STRN: variants seen among roughly 807,000 people sequenced by gnomAD.
STRN encodes the protein striatin, also known as protein phosphatase 2 regulatory subunit B'''alpha.
A neutral mutation model predicts 96.3 loss-of-function variants in STRN; 53 were observed. That is an observed-to-expected ratio of 0.55 (90% CI 0.44 to 0.69). The LOEUF is 0.69. Ranked by LOEUF, STRN falls within the 30% of genes least tolerant of loss-of-function variation. STRN has a pLI of 0.00. For synonymous variants in STRN, 428 were observed against 355.9 expected (o/e 1.20, Z -2.28); for missense variants, 987 against 963.9 (o/e 1.02, Z -0.32).
intron 1 of STRN, among the ~76,000 whole-genome samples, chr2:36,953,110 C>T (rs1664800979): frequency 6.6e-6 from 1 of 152,176 alleles, no homozygotes; most frequent in East Asian, 1.9e-4. Flanking sequence ...CCTGTGTGTT[C>T]AGTAATGAAA....
intron 12 of STRN, chr2:36,867,278 A>G (rs1377680527): frequency 6.6e-6 from 1 of 152,238 alleles, no homozygotes; most frequent in Non-Finnish European, 1.5e-5. Context: ...GTTCAAGCCC[A>G]GGAGTTCAAG....
chr2:36,876,488 T>C (rs987232857), intron 10 of STRN, among the ~76,000 whole-genome samples: 1 of 152,070 alleles, frequency 6.6e-6, no homozygotes, highest in Non-Finnish European at 1.5e-5. Context: ...TTGGGAGTTT[T>C]TTTATCTGTA....
At chr2:36,904,995 G>C (rs1226492939) in intron 4 of STRN, among the ~76,000 whole-genome samples, 1 of 141,212 alleles carries the variant, frequency 7.1e-6, no homozygotes, top group Non-Finnish European at 1.5e-5. Flanking sequence ...TTGAGATGAA[G>C]TTTCGCTCTT....
rs183531335 is a variant in STRN at position 36,849,582 on chromosome 2, C to T, written c.2217G>A (p.Thr739=). The T allele has an allele frequency of 8.7e-6, 14 of 1,614,016 alleles. No homozygotes were observed. Among genetic ancestry groups the T allele is most frequent in the South Asian group, 1.1e-5 (1 of 91,072 alleles). Reference sequence around the variant, plus strand: ...GATGAGCTGTGAATTCTTGGATACACGTCTTACTTTCTAGATTCCATAAAC... The same window carrying T: ...GATGAGCTGTGAATTCTTGGATACATGTCTTACTTTCTAGATTCCATAAAC... The part of the protein sequence containing the change: ...SIRLWNLESK[T]CIQEFTAHRK... The change falls in exon 18 of 18, where the codon ACG becomes ACA. Residue 739 remains threonine (T), a synonymous_variant. Coordinates refer to ENST00000263918, the MANE Select transcript of STRN (RefSeq NM_003162.4).
intron 2 of STRN, 113 bp downstream of exon 2, chr2:36,924,992 G>A (rs1670371286): frequency 1.2e-6 from 1 of 853,708 alleles, no homozygotes; most frequent in African/African-American, 1.7e-5. Context: ...GGAGGCGGAG[G>A]TCGCGGTGAG....
chr2:36,882,287 T>C (rs1669092991), intron 9 of STRN, among the ~76,000 whole-genome samples: 1 of 152,226 alleles, frequency 6.6e-6, no homozygotes, highest in South Asian at 2.1e-4. Context: ...AATATAGTAT[T>C]TAAATTCAGA....
At chr2:36,910,172 TCAAAAAAAAAAAAAAAA>T (rs1248711885) in intron 3 of STRN, among the ~76,000 whole-genome samples, 1 of 68,536 alleles carries the variant, frequency 1.5e-5, no homozygotes, top group Non-Finnish European at 2.6e-5. Flanking sequence ...AGACTTTGTC[TCAAAAAAAAAAAAAAAA>T]AAAGACTTTT....
At chr2:36,919,061 T>C (rs1161913506) in intron 2 of STRN, among the ~76,000 whole-genome samples, 1 of 152,200 alleles carries the variant, frequency 6.6e-6, no homozygotes, top group Non-Finnish European at 1.5e-5. Flanking sequence ...ATTATACATA[T>C]TATGCTAGGA....
At chr2:36,955,472 T>C (rs1211661541) in intron 1 of STRN, among the ~76,000 whole-genome samples, 1 of 152,180 alleles carries the variant, frequency 6.6e-6, no homozygotes, top group Non-Finnish European at 1.5e-5. Flanking sequence ...AGTGCCGAAA[T>C]GAAAAATACA....
At chr2:36,944,448 A>G (rs1670928677) in intron 1 of STRN, among the ~76,000 whole-genome samples, 1 of 152,238 alleles carries the variant, frequency 6.6e-6, no homozygotes, top group African/African-American at 2.4e-5. Context: ...TAAGAGAATA[A>G]GACACAGAAA....
At chr2:36,878,270 C>T (rs1668969140) in intron 9 of STRN, among the ~76,000 whole-genome samples, 1 of 152,090 alleles carries the variant, frequency 6.6e-6, no homozygotes, top group South Asian at 2.1e-4. Flanking sequence ...TCTAAGAATC[C>T]ACTGTCCTTT....
rs910701009 is a variant in STRN at position 36,838,982 on chromosome 2, G to A, written c.*10474C>T. 7.2e-5 allele frequency among the ~76,000 whole-genome samples: 11 copies of A among 152,110 alleles called. No individual in the cohort carries two copies. The highest frequency in any genetic ancestry group is 2.4e-4 in the African/African-American group (10 of 41,416). On this transcript the variant is annotated 3_prime_UTR_variant, in exon 18 of 18. Transcript: ENST00000263918. ...AGAGACCTTTAAAAATTTGTAAGGT[G>A]CTCATGATACACATTATATTAGAAA...
intron 1 of STRN, among the ~76,000 whole-genome samples, chr2:36,941,933 G>A (rs1448851277): frequency 6.6e-6 from 1 of 152,080 alleles, no homozygotes; most frequent in African/African-American, 2.4e-5. Flanking sequence ...TAACCATTGT[G>A]GTAGATGTTG....
chr2:36,839,449 G>A lies in STRN; in HGVS notation c.*10007C>T, dbSNP rs1667895744. Among the ~76,000 whole-genome samples the A allele has an allele frequency of 6.6e-6, 1 of 152,172 alleles. No individual in the cohort carries two copies. Among genetic ancestry groups the A allele is most frequent in the Non-Finnish European group, 1.5e-5 (1 of 68,028 alleles). On this transcript the variant is annotated 3_prime_UTR_variant, in exon 18 of 18. Coordinates refer to ENST00000263918, the MANE Select transcript of STRN (RefSeq NM_003162.4). ...AACCTATTTCTCCTAAAACCCTGAT[G>A]TTCTAGAAGCTATCAGGAGTGTGAC...
intron 3 of STRN, among the ~76,000 whole-genome samples, chr2:36,915,755 C>T (rs1670080474): frequency 6.6e-6 from 1 of 152,148 alleles, no homozygotes; most frequent in East Asian, 1.9e-4. Context: ...TTGTACTGCA[C>T]ATCTGAAAGT....
intron 1 of STRN, among the ~76,000 whole-genome samples, chr2:36,965,044 CCA>C (rs1319807915): frequency 2.6e-5 from 4 of 152,306 alleles, no homozygotes; most frequent in African/African-American, 9.6e-5. Flanking sequence ...TTCGCTCTTT[CCA>C]CAGCCACTTC....
chr2:36,899,030 T>C (rs955515314), intron 6 of STRN, among the ~76,000 whole-genome samples: 15 of 152,076 alleles, frequency 9.9e-5, no homozygotes. Context: ...CATGGGAAAG[T>C]CAATAAGCTT....
At chr2:36,865,359 T>C (rs1382162154) in intron 12 of STRN, among the ~76,000 whole-genome samples, 2 of 152,210 alleles carry the variant, frequency 1.3e-5, no homozygotes, top group African/African-American at 4.8e-5. Context: ...ATTTGGATCT[T>C]CTCTTTTTTT....
chr2:36,874,062 T>C (rs1274619971), intron 10 of STRN, among the ~76,000 whole-genome samples: 1 of 150,136 alleles, frequency 6.7e-6, no homozygotes, highest in Admixed American at 6.6e-5. Context: ...AAGACCATCC[T>C]GGCTAACACG....
Sources: gnomAD v4.1 joint callset for allele counts (sites outside exome capture counted in the v4.1 genomes callset) on GRCh38, gnomAD v4.1.1 for gene constraint, MANE v1.5 for transcripts, NCBI Gene and HGNC (gene_info 2026-07-23, HGNC 2026-07-21) for gene names.